Variants in UTRN observed in about 807,000 individuals in gnomAD.
The protein encoded by UTRN is dystrophin-related protein 1.
A neutral mutation model predicts 463.9 loss-of-function variants in UTRN; 283 were observed. The observed-to-expected ratio is 0.61, with a 90% confidence interval of 0.55 to 0.67. The LOEUF (loss-of-function observed/expected upper bound fraction) is 0.67. Among genes scored for constraint, UTRN ranks in the 30% least tolerant of loss-of-function variants. The pLI is 0.00. For missense variants in UTRN, 3,922 were observed against 4,084.3 expected (o/e 0.96, Z 1.08); for synonymous variants, 1,442 against 1,431.5 (o/e 1.01, Z -0.17).
At chr6:144,803,168 T>G (rs1777848217) in intron 65 of UTRN, 21 bp downstream of exon 65, 1 of 1,407,216 alleles carries the variant, frequency 7.1e-7, no homozygotes, top group Non-Finnish European at 9.4e-7. Context: ...ACCCACTGTT[T>G]TGTTTTTAAT....
intron 58 of UTRN, among the ~76,000 whole-genome samples, chr6:144,760,150 T>C (rs1347181886): frequency 1.3e-5 from 2 of 152,100 alleles, no homozygotes; most frequent in East Asian, 3.9e-4. Context: ...TGACTGAGAA[T>C]TGTCTAAATC....
At chr6:144,356,925 C>T (rs138912865) in intron 2 of UTRN, among the ~76,000 whole-genome samples, 292 of 55,834 alleles carry the variant, frequency 5.2e-3, no homozygotes, top group Admixed American at 0.016. Flanking sequence ...TTTATCAAGA[C>T]ATATTAGGAT....
chr6:144,824,568 TTA>T (rs1416784547), intron 66 of UTRN, among the ~76,000 whole-genome samples: 1,489 of 69,066 alleles, frequency 0.022, 85 homozygotes, highest in African/African-American at 0.069. Flanking sequence ...ATATAGCATT[TTA>T]TTTATATATA....
intron 66 of UTRN, among the ~76,000 whole-genome samples, chr6:144,823,740 A>G (rs1232471627): frequency 2.6e-5 from 4 of 152,204 alleles, no homozygotes. Flanking sequence ...CATTGAAAAT[A>G]AATCTGAGGA....
intron 2 of UTRN, among the ~76,000 whole-genome samples, chr6:144,301,720 A>G (rs376899585): frequency 9.9e-5 from 15 of 151,546 alleles, no homozygotes; most frequent in African/African-American, 2.7e-4. Context: ...TTTTTAGTAG[A>G]AGTGGAGTTT....
Position 144,836,509 on chromosome 6 carries a change from C to G in UTRN, c.10033C>G (p.Gln3345Glu). Reference protein sequence around the residue: ...LEDHNKQLESQLHRLRQLLEQ... With the variant: ...LEDHNKQLESELHRLRQLLEQ... Reference sequence around the variant, plus strand: ...AGATCACAATAAACAGCTGGAGTCTCAGCTCCACCGCCTCCGACAGCTGCT... The same window carrying G: ...AGATCACAATAAACAGCTGGAGTCTGAGCTCCACCGCCTCCGACAGCTGCT... The change falls in exon 71 of 75, where the codon CAG (glutamine) becomes GAG (glutamate). Residue 3345 changes from glutamine to glutamate, a missense_variant. This residue lies in a region of UTRN where 1,309 missense variants were observed against 1,452.6 expected (regional missense o/e 0.90). Coordinates refer to ENST00000367545, the MANE Select transcript of UTRN (RefSeq NM_007124.3). The G allele has an allele frequency of 6.2e-7, 1 of 1,613,844 alleles. No individual in the cohort carries two copies. Among genetic ancestry groups the G allele is most frequent in the Non-Finnish European group, 8.5e-7 (1 of 1,179,946 alleles).
intron 51 of UTRN, among the ~76,000 whole-genome samples, chr6:144,644,389 A>G (rs555948390): frequency 6.6e-6 from 1 of 152,322 alleles, no homozygotes. Flanking sequence ...GGGTATTCCA[A>G]ATGAATGATT....
At chr6:144,836,841 A>G (rs1163805976) in intron 71 of UTRN, among the ~76,000 whole-genome samples, 4 of 152,226 alleles carry the variant, frequency 2.6e-5, no homozygotes, top group Admixed American at 2.6e-4. Context: ...TTCCTAAATT[A>G]TACATGGGAA....
chr6:144,495,469 A>G (rs1011883932), intron 33 of UTRN, among the ~76,000 whole-genome samples: 2 of 152,100 alleles, frequency 1.3e-5, no homozygotes, highest in Admixed American at 6.5e-5. Flanking sequence ...CCCACCCGGA[A>G]CTCCAGCTGG....
At chr6:144,670,471 A>G (rs1487421787) in intron 51 of UTRN, among the ~76,000 whole-genome samples, 1 of 151,402 alleles carries the variant, frequency 6.6e-6, no homozygotes, top group Non-Finnish European at 1.5e-5. Flanking sequence ...TTTTGATGGG[A>G]TTATTTGTTT....
intron 54 of UTRN, among the ~76,000 whole-genome samples, chr6:144,738,054 C>T (rs999212421): frequency 2.0e-5 from 3 of 152,156 alleles, no homozygotes; most frequent in Admixed American, 6.5e-5. Context: ...ATCCAGCTAA[C>T]GAAAGGTAGA....
chr6:144,679,495 G>T (rs1236360557), intron 52 of UTRN, among the ~76,000 whole-genome samples: 1 of 152,124 alleles, frequency 6.6e-6, no homozygotes, highest in Non-Finnish European at 1.5e-5. Flanking sequence ...ATTTGACTCT[G>T]ACTTCACTAT....
intron 53 of UTRN, among the ~76,000 whole-genome samples, chr6:144,722,155 T>C (rs183349146): frequency 2.0e-5 from 3 of 152,318 alleles, no homozygotes; most frequent in African/African-American, 7.2e-5. Context: ...ATAGAAAACA[T>C]TTTAACAGAA....
At chr6:144,798,381 C>T (rs1429015232) in intron 64 of UTRN, among the ~76,000 whole-genome samples, 1 of 152,104 alleles carries the variant, frequency 6.6e-6, no homozygotes, top group African/African-American at 2.4e-5. Context: ...TGTTTAATTA[C>T]CAGCTGAGAA....
At chr6:144,615,505 T>A (rs1805986717) in intron 51 of UTRN, among the ~76,000 whole-genome samples, 1 of 152,146 alleles carries the variant, frequency 6.6e-6, no homozygotes, top group South Asian at 2.1e-4. Flanking sequence ...ATGATACCCT[T>A]TAGGACTTTT....
chr6:144,423,389 C>T (rs929217785), intron 4 of UTRN, among the ~76,000 whole-genome samples, 160 bp from the exon 5 acceptor site: 2 of 152,188 alleles, frequency 1.3e-5, no homozygotes, highest in African/African-American at 4.8e-5. Context: ...ATACTGTGAA[C>T]ACCAGCTTCC....
chr6:144,818,889 G>GT (rs145196641), intron 65 of UTRN, among the ~76,000 whole-genome samples: 8,515 of 139,746 alleles, frequency 0.061, 585 homozygotes, highest in African/African-American at 0.18. Flanking sequence ...ACTACAATCT[G>GT]TTGTTTTTTT....
chr6:144,412,782 CACACACACAGT>C (rs1784031011), intron 3 of UTRN, among the ~76,000 whole-genome samples: 1 of 150,190 alleles, frequency 6.7e-6, no homozygotes, highest in African/African-American at 2.5e-5. Context: ...CACACACACA[CACACACACAGT>C]AAACAATGGG....
chr6:144,361,046 A>G (rs937436639), intron 2 of UTRN, among the ~76,000 whole-genome samples: 3 of 152,260 alleles, frequency 2.0e-5, no homozygotes, highest in African/African-American at 7.2e-5. Context: ...ACCTTTCTGT[A>G]TAAAAAGTAA....
Sources: gnomAD v4.1 joint callset for allele counts (sites outside exome capture counted in the v4.1 genomes callset) on GRCh38, gnomAD v4.1.1 for gene constraint, gnomAD v4.1.1 regional missense constraint, MANE v1.5 for transcripts, NCBI Gene and HGNC (gene_info 2026-07-23, HGNC 2026-07-21) for gene names.